The following DHX40 variants were observed in gnomAD, a reference collection of about 807,000 sequenced individuals.
The protein encoded by DHX40 is DEAH-box helicase 40, also known as probable ATP-dependent RNA helicase DHX40.
DHX40 carries 28 observed loss-of-function variants against 89.6 expected under a neutral mutation model. The ratio of observed to expected loss-of-function variants is 0.31; its 90% confidence interval spans 0.23 to 0.43. DHX40 has a LOEUF of 0.43. Among genes scored for constraint, DHX40 ranks in the 20% least tolerant of loss-of-function variants. DHX40 has a pLI of 1.00. For synonymous variants in DHX40, 226 were observed against 283.6 expected, an observed-to-expected ratio of 0.80 and a Z score of 2.04; for missense variants, 457 against 844.0, an observed-to-expected ratio of 0.54 and a Z score of 5.68.
intron 2 of DHX40, among the ~76,000 whole-genome samples, chr17:59,569,758 T>A (rs1452151387): frequency 1.4e-5 from 2 of 142,290 alleles, no homozygotes; most frequent in Non-Finnish European, 3.0e-5. Context: ...TCTTTTTTTT[T>A]GTTTTGGCTG....
intron 14 of DHX40, among the ~76,000 whole-genome samples, chr17:59,601,342 CT>C (rs561823609): frequency 6.2e-4 from 95 of 152,142 alleles, no homozygotes; most frequent in African/African-American, 2.0e-3. Context: ...CCATTATCTT[CT>C]TTCTCCAGCC....
rs1240075677 is a variant in DHX40 at position 59,565,660 on chromosome 17, G to C, written c.-12G>C. 6.3e-7 allele frequency: 1 copy of C among 1,596,282 alleles called. No individual in the cohort carries two copies. The highest frequency in any genetic ancestry group is 1.3e-5 in the African/African-American group (1 of 74,780). On this transcript the variant is annotated 5_prime_UTR_variant, in exon 1 of 18. Coordinates refer to ENST00000251241, the MANE Select transcript of DHX40 (RefSeq NM_024612.5). ...TCGGTGGACGTGCTCGCCTCCACTC[G>C]GGGCCAGGTCTATGTCCCGGTTTCC...
At chr17:59,574,077 G>A (rs1177399114) in intron 5 of DHX40, 110 bp downstream of exon 5, 3 of 731,710 alleles carry the variant, frequency 4.1e-6, no homozygotes, top group Non-Finnish European at 6.2e-6. Context: ...GTCCTCACAG[G>A]TCCTAGAACT....
At chr17:59,566,572 G>C in intron 1 of DHX40, 55 bp from the exon 2 acceptor site, 1 of 1,484,808 alleles carries the variant, frequency 6.7e-7, no homozygotes, top group Non-Finnish European at 9.0e-7. Flanking sequence ...ATGAGAAATT[G>C]AGTCAGAGAT....
intron 2 of DHX40, among the ~76,000 whole-genome samples, chr17:59,569,315 AAGACTCTATCT>A (rs1250866350): frequency 6.7e-6 from 1 of 150,122 alleles, no homozygotes; most frequent in Non-Finnish European, 1.5e-5. Flanking sequence ...GCAACAGAGC[AAGACTCTATCT>A]CAAAAATAAA....
intron 12 of DHX40, among the ~76,000 whole-genome samples, chr17:59,596,349 C>G: frequency 6.6e-6 from 1 of 152,224 alleles, no homozygotes; most frequent in Non-Finnish European, 1.5e-5. Context: ...GGCGGATCAC[C>G]TGAGGTCAGG....
intron 11 of DHX40, among the ~76,000 whole-genome samples, chr17:59,586,614 C>G (rs1253509853): frequency 1.3e-5 from 2 of 149,802 alleles, no homozygotes; most frequent in Non-Finnish European, 3.0e-5. Flanking sequence ...TGCAGTGAGC[C>G]AAGATCATGC....
intron 2 of DHX40, among the ~76,000 whole-genome samples, chr17:59,567,310 A>G (rs1156773182): frequency 6.6e-6 from 1 of 152,218 alleles, no homozygotes; most frequent in African/African-American, 2.4e-5. Flanking sequence ...GACCAAACCA[A>G]AATGGAGTTA....
In DHX40 at chr17:59,607,422, A is replaced by G. The variant is rs2030936130; in HGVS notation, c.*250A>G. The G allele has an allele frequency of 5.8e-6, 4 of 684,568 alleles. No homozygotes were observed. Among genetic ancestry groups the G allele is most frequent in the Non-Finnish European group, 9.7e-6 (4 of 411,584 alleles). The allele number at this position is 684,568 out of a possible 1,614,324, so 42.4% of individuals were successfully genotyped here. On this transcript the variant is annotated 3_prime_UTR_variant, in exon 18 of 18. Coordinates refer to ENST00000251241, the MANE Select transcript of DHX40 (RefSeq NM_024612.5). The stretch of plus-strand genomic sequence containing the variant: ...AAACCAATGAAAGACAGTACATGTA[A>G]TAATATTTTCCTCAGTACAATTTTG...
At chr17:59,599,828 C>CTT (rs1299556546) in intron 14 of DHX40, among the ~76,000 whole-genome samples, 7,727 of 143,810 alleles carry the variant, frequency 0.054, 641 homozygotes, top group African/African-American at 0.18. Context: ...TCCCCCCCAC[C>CTT]TTTTTTTTTT....
intron 11 of DHX40, 77 bp from the exon 12 acceptor site, chr17:59,587,819 A>T (rs1036939254): frequency 6.5e-7 from 1 of 1,549,276 alleles, no homozygotes; most frequent in South Asian, 1.2e-5. Context: ...ATTATATCTG[A>T]TTTATTCTGA....
In DHX40 at chr17:59,570,659, C is replaced by G; in HGVS notation, c.422C>G (p.Ser141Cys). Reference sequence around the variant, plus strand: ...CAAGTTCGTTTTGATGATTGCAGTTCTAAGGTACAAAAGTCTTGTTGGTAT... The same window carrying G: ...CAAGTTCGTTTTGATGATTGCAGTTGTAAGGTACAAAAGTCTTGTTGGTAT... ...GYQVRFDDCS[S>C]KETAIKYMTD... Residue 141 changes from serine (S) to cysteine (C), a missense_variant, in exon 3 of 18, where the codon TCT becomes TGT. Coordinates refer to ENST00000251241, the MANE Select transcript of DHX40 (RefSeq NM_024612.5). The G allele has an allele frequency of 6.2e-7, 1 of 1,606,168 alleles. No homozygotes were observed. The highest frequency in any genetic ancestry group is 8.5e-7 in the Non-Finnish European group (1 of 1,176,304).
At chr17:59,565,804 C>T (rs771465794) in intron 1 of DHX40, 21 bp downstream of exon 1, 9 of 1,574,578 alleles carry the variant, frequency 5.7e-6, no homozygotes, top group African/African-American at 1.4e-5. Flanking sequence ...CGGGACGGTA[C>T]GGAAGCCAGC....
At chr17:59,596,160 G>A (rs888337968) in intron 12 of DHX40, among the ~76,000 whole-genome samples, 1 of 152,160 alleles carries the variant, frequency 6.6e-6, no homozygotes, top group African/African-American at 2.4e-5. Flanking sequence ...TTTTCTCCTG[G>A]TATTGCGAGC....
At chr17:59,571,882 C>G (rs72839073) in intron 3 of DHX40, among the ~76,000 whole-genome samples, 30,350 of 152,012 alleles carry the variant, frequency 0.2, 3,590 homozygotes, top group African/African-American at 0.32. Flanking sequence ...ATCTTCTGTT[C>G]TACTTTCTGT....
At chr17:59,596,517 A>G (rs1163292847) in intron 12 of DHX40, among the ~76,000 whole-genome samples, 1 of 152,198 alleles carries the variant, frequency 6.6e-6, no homozygotes, top group Non-Finnish European at 1.5e-5. Flanking sequence ...GCAGTGAGCC[A>G]AGATTGCACC....
chr17:59,604,075 A>G (rs1387217822), intron 15 of DHX40: 1 of 152,216 alleles, frequency 6.6e-6, no homozygotes, highest in Non-Finnish European at 1.5e-5. Context: ...TCCTTTTGCT[A>G]TAAAGGATAT....
At chr17:59,570,428 A>C (rs1369780470) in intron 2 of DHX40, 90 bp from the exon 3 acceptor site, 3 of 1,270,146 alleles carry the variant, frequency 2.4e-6, no homozygotes, top group African/African-American at 1.5e-5. Context: ...ACATTCAAGC[A>C]GTTTTGTGTT....
At chr17:59,605,828 G>A (rs2030811048) in intron 17 of DHX40, 154 bp downstream of exon 17, 16 of 766,448 alleles carry the variant, frequency 2.1e-5, no homozygotes, top group Non-Finnish European at 3.3e-5. Flanking sequence ...AGCCAGGCAT[G>A]TTGGTGTGCA....
Sources: gnomAD v4.1 joint callset for allele counts (sites outside exome capture counted in the v4.1 genomes callset) on GRCh38, gnomAD v4.1.1 for gene constraint, MANE v1.5 for transcripts, NCBI Gene and HGNC (gene_info 2026-07-23, HGNC 2026-07-21) for gene names.